TPM1: variants seen among roughly 807,000 people sequenced by gnomAD.
TPM1 encodes the protein tropomyosin 1.
Under a neutral mutation model 42.9 loss-of-function variants are expected in TPM1, and 24 were observed. That is an observed-to-expected ratio of 0.56 (90% CI 0.41 to 0.79). TPM1 has a LOEUF of 0.79. Ranked by LOEUF, TPM1 falls within the 30% of genes least tolerant of loss-of-function variation. The pLI is 0.00. For missense variants in TPM1, 158 were observed against 351.8 expected (o/e 0.45, Z 4.41); for synonymous variants, 136 against 130.1 (o/e 1.05, Z -0.31).
chr15:63,053,673 A>AT (rs397853689), intron 2 of TPM1, among the ~76,000 whole-genome samples: 15,367 of 75,058 alleles, frequency 0.2, 1,276 homozygotes, highest in Admixed American at 0.34. Flanking sequence ...TGGAAGTTTG[A>AT]TTTTTTTTTT....
chr15:63,043,772 C>A, intron 1 of TPM1: 1 of 1,549,898 alleles, frequency 6.5e-7, no homozygotes, highest in Non-Finnish European at 8.7e-7. Context: ...GGACCGGGTG[C>A]TGGAGGAGCT....
intron 8 of TPM1, chr15:63,063,713 A>G (rs1489622191): frequency 4.1e-6 from 1 of 241,078 alleles, no homozygotes; most frequent in Non-Finnish European, 8.1e-6. Flanking sequence ...TCTGCAAAAG[A>G]AAGATGTTCC....
chr15:63,066,032 A>G lies in TPM1; in HGVS notation c.*133A>G. On this transcript the variant is annotated 3_prime_UTR_variant, in exon 10 of 10. Transcript: ENST00000403994. The stretch of plus-strand genomic sequence containing the variant: ...CATCCTGCCTTAGAGCCAGGCACAC[A>G]CTGTGCTTTCTATTGTACAGAAGCT... The G allele has an allele frequency of 6.5e-7, 1 of 1,546,898 alleles. No individual in the cohort carries two copies. The highest frequency in any genetic ancestry group is 8.7e-7 in the Non-Finnish European group (1 of 1,147,442).
chr15:63,063,945 A>G, intron 8 of TPM1, 119 bp from the exon 9 acceptor site: 2 of 1,452,024 alleles, frequency 1.4e-6, no homozygotes, highest in Non-Finnish European at 1.8e-6. Flanking sequence ...CAACCCCTTC[A>G]TGCATTGCCC....
Position 63,048,764 on chromosome 15 carries a change from C to T in TPM1, c.240+4612C>T, listed in dbSNP as rs1176095342. ...CAGAGGCGCATCCTCCCGGGGCAGCCCCGCAGGGCCCTCCTGCTTCCCCCC... is the reference window on the plus strand; with the variant it reads ...CAGAGGCGCATCCTCCCGGGGCAGCTCCGCAGGGCCCTCCTGCTTCCCCCC... On this transcript the variant is annotated intron_variant, in intron 2 of 9. Transcript: ENST00000403994. 4 of 1,511,776 alleles carry T rather than the reference C, an allele frequency of 2.6e-6. No individual in the cohort carries two copies. The South Asian group carries it at 5.0e-5, about 19-fold the overall frequency. The allele number at this position is 1,511,776 out of a possible 1,614,324, so 93.6% of individuals were successfully genotyped here.
At chr15:63,045,861 G>A (rs1197402365) in intron 2 of TPM1, 3 of 152,120 alleles carry the variant, frequency 2.0e-5, no homozygotes, top group East Asian at 3.8e-4. Context: ...TTTTCCCACC[G>A]GGAAACTGCC....
At chr15:63,043,625 G>A in intron 1 of TPM1, 1 of 1,532,182 alleles carries the variant, frequency 6.5e-7, no homozygotes, top group South Asian at 1.2e-5. Context: ...AGGGGCCCCA[G>A]CCAACCCGAC....
At chr15:63,069,762 G>A (rs573819075), downstream of TPM1, 2 of 1,403,034 alleles carry the variant, frequency 1.4e-6, no homozygotes, top group South Asian at 1.2e-5. Context: ...ACCAGTTGCT[G>A]TCCTGCTTGA....
rs1437900828 is a variant in TPM1 at position 63,062,217 on chromosome 15, C to T, written c.642C>T (p.Tyr214=). The T allele has an allele frequency of 1.2e-6, 2 of 1,613,824 alleles. No individual in the cohort carries two copies. The highest frequency in any genetic ancestry group is 2.2e-5 in the East Asian group (1 of 44,880). The change falls in exon 7 of 10, where the codon TAC becomes TAT. Residue 214 remains tyrosine (Y), a splice_region_variant and synonymous_variant. Coordinates refer to ENST00000403994, the MANE Select transcript of TPM1 (RefSeq NM_001018005.2). ...TGGAATGCTCTTTCTAATTACAGTA[C>T]TCGCAGAAGGAAGACAGATATGAGG... The part of the protein sequence containing the change: ...LKSLEAQAEK[Y]SQKEDRYEEE...
At chr15:63,043,744 G>A (rs1226161951) in intron 1 of TPM1, 1 of 1,549,320 alleles carries the variant, frequency 6.5e-7, no homozygotes, top group East Asian at 2.4e-5. Flanking sequence ...AGTTGCTGCG[G>A]GTGTCGGAGG....
At chr15:63,061,654 T>C in intron 5 of TPM1, 59 bp from the exon 6 acceptor site, 1 of 1,530,288 alleles carries the variant, frequency 6.5e-7, no homozygotes, top group South Asian at 1.1e-5. Flanking sequence ...CTCTCCTTTT[T>C]CTCTCCTCCT....
Position 63,064,715 on chromosome 15 carries a change from C to T in TPM1, c.851+573C>T, listed in dbSNP as rs990848477. The T allele has an allele frequency of 6.3e-5, 61 of 975,092 alleles. No individual in the cohort carries two copies. In the African/African-American group the frequency reaches 1.0e-3, roughly 17 times the overall value. The allele number at this position is 975,092 out of a possible 1,614,324, so 60.4% of individuals were successfully genotyped here. On this transcript the variant is annotated intron_variant, in intron 9 of 9. Coordinates refer to ENST00000403994, the MANE Select transcript of TPM1 (RefSeq NM_001018005.2). ...GCACAGTGGCTCACGCCTGTAATCC[C>T]AGCACTTTGGGAGGCCGAGGCGGGC...
intron 9 of TPM1, 164 bp from the exon 10 acceptor site, chr15:63,065,732 G>T: frequency 1.1e-6 from 1 of 891,926 alleles, no homozygotes; most frequent in Non-Finnish European, 1.3e-6. Context: ...CCTCAGGTGG[G>T]AAGATGGATG....
chr15:63,063,372 G>A lies in TPM1; in HGVS notation c.773-692G>A, dbSNP rs1482698893. The stretch of plus-strand genomic sequence containing the variant: ...ATGACAAATGGTTGCAAAATGATCT[G>A]CCAAAGTGCAGCAAAGTATGAAACC... On this transcript the variant is annotated intron_variant, in intron 8 of 9. Transcript: ENST00000403994. 4.1e-6 allele frequency: 4 copies of A among 985,304 alleles called. No homozygotes were observed. In the African/African-American group the frequency reaches 7.0e-5, roughly 17 times the overall value. 61.0% of individuals were successfully genotyped at this position (985,304 alleles called of 1,614,324 possible). A position where few individuals can be genotyped will look rare whatever the true frequency, so the allele number is the denominator to read the frequency against.
Position 63,065,552 on chromosome 15 carries a change from C to G in TPM1, c.852-344C>G, listed in dbSNP as rs1001363410. The G allele has an allele frequency of 5.1e-6, 5 of 985,026 alleles. No homozygotes were observed. In the African/African-American group the frequency reaches 7.0e-5, roughly 14 times the overall value. 61.0% of individuals were successfully genotyped at this position (985,026 alleles called of 1,614,324 possible). A position where few individuals can be genotyped will look rare whatever the true frequency, so the allele number is the denominator to read the frequency against. On this transcript the variant is annotated intron_variant, in intron 9 of 9. Coordinates refer to ENST00000403994, the MANE Select transcript of TPM1 (RefSeq NM_001018005.2). The stretch of plus-strand genomic sequence containing the variant: ...AGGGGGTGGAGCAGATCATCTGTCT[C>G]TAAGGTCTTTTTCAGTGCTAAAATG...
intron 2 of TPM1, among the ~76,000 whole-genome samples, chr15:63,053,702 A>T (rs1356906256): frequency 1.0e-4 from 14 of 138,826 alleles, no homozygotes; most frequent in African/African-American, 3.9e-4. Context: ...TGTTTTTGAG[A>T]CAAGAGTCTT....
chr15:63,071,702 C>T (rs6738), exon 9 of TPM1: 108,974 of 168,890 alleles, frequency 0.65, 35,904 homozygotes, highest in East Asian at 0.97. Context: ...GCTGCTCTTC[C>T]GAGACTTCCA....
At chr15:63,071,385 G>C in exon 9 of TPM1, 1 of 520,004 alleles carries the variant, frequency 1.9e-6, no homozygotes, top group Non-Finnish European at 3.5e-6. Context: ...CCGGGTTGAT[G>C]CTGCCACACT....
downstream of TPM1, among the ~76,000 whole-genome samples, chr15:63,067,123 T>C (rs2036324617): frequency 6.6e-6 from 1 of 152,174 alleles, no homozygotes; most frequent in South Asian, 2.1e-4. Flanking sequence ...TTAACATGGA[T>C]GATCTGCATG....
Sources: gnomAD v4.1 joint callset for allele counts (sites outside exome capture counted in the v4.1 genomes callset) on GRCh38, gnomAD v4.1.1 for gene constraint, MANE v1.5 for transcripts, NCBI Gene and HGNC (gene_info 2026-07-23, HGNC 2026-07-21) for gene names.